The following DOCK9 variants were observed in gnomAD, a reference collection of about 807,000 sequenced individuals.
DOCK9 encodes dedicator of cytokinesis protein 9.
A neutral mutation model predicts 263.3 loss-of-function variants in DOCK9; 89 were observed. That is an observed-to-expected ratio of 0.34 (90% CI 0.28 to 0.40). The LOEUF (loss-of-function observed/expected upper bound fraction) is 0.40. Among genes scored for constraint, DOCK9 ranks in the 10% least tolerant of loss-of-function variants. The pLI, the probability that DOCK9 is intolerant of heterozygous loss-of-function variation, is 1.00. For synonymous variants in DOCK9, 976 were observed against 973.1 expected, an observed-to-expected ratio of 1.00 and a Z score of -0.06; for missense variants, 2,140 against 2,603.4, an observed-to-expected ratio of 0.82 and a Z score of 3.87.
Position 98,897,549 on chromosome 13 carries a change from T to G in DOCK9, c.1648A>C (p.Arg550=), listed in dbSNP as rs1566897358. 1 of 1,614,014 alleles carries G rather than the reference T, an allele frequency of 6.2e-7. No individual in the cohort carries two copies. Among genetic ancestry groups the G allele is most frequent in the East Asian group, 2.2e-5 (1 of 44,882 alleles). The change falls in exon 15 of 53, where the codon AGG becomes CGG. Residue 550 remains arginine (R), a synonymous_variant. Transcript: ENST00000682017. ...TTGGATAGCTTATTGCTGTCTTGCC[T>G]GTAGATGGCAGAAAATCTGGCATTT... ...DKNARFSAIY[R]QDSNKLSNDD... is the part of the protein sequence containing the mutation.
intron 50 of DOCK9, among the ~76,000 whole-genome samples, chr13:98,799,353 T>G (rs1162056567): frequency 6.6e-6 from 1 of 152,148 alleles, no homozygotes; most frequent in East Asian, 1.9e-4. Flanking sequence ...TATACACACA[T>G]GTACATATAC....
chr13:99,041,441 C>T (rs573381216), intron 1 of DOCK9, among the ~76,000 whole-genome samples: 239 of 150,578 alleles, frequency 1.6e-3, no homozygotes, highest in East Asian at 4.5e-3. Flanking sequence ...TATGATCAGG[C>T]TATGACATTC....
intron 27 of DOCK9, chr13:98,871,649 A>T (rs1465647553): frequency 6.6e-6 from 1 of 152,252 alleles, no homozygotes; most frequent in Admixed American, 6.5e-5. Flanking sequence ...TACCTGATAG[A>T]GGCTTGGAGA....
chr13:98,902,927 C>T (rs2048510158), intron 11 of DOCK9, 45 bp downstream of exon 11: 2 of 1,381,828 alleles, frequency 1.4e-6, no homozygotes, highest in Non-Finnish European at 1.9e-6. Context: ...TCTGAAACCT[C>T]TGCCTATTTT....
chr13:98,866,704 T>TA (rs1381548526), intron 30 of DOCK9, among the ~76,000 whole-genome samples: 1 of 152,176 alleles, frequency 6.6e-6, no homozygotes, highest in Admixed American at 6.5e-5. Context: ...TAAAAGCATG[T>TA]AAAAAAGCCA....
chr13:98,838,547 CT>C (rs1483542008), intron 38 of DOCK9, among the ~76,000 whole-genome samples: 1 of 152,198 alleles, frequency 6.6e-6, no homozygotes, highest in Non-Finnish European at 1.5e-5. Flanking sequence ...GTCATTTAAA[CT>C]TAGCTTAGTC....
At chr13:99,049,640 A>C (rs1478285422) in intron 1 of DOCK9, among the ~76,000 whole-genome samples, 2 of 151,982 alleles carry the variant, frequency 1.3e-5, no homozygotes, top group East Asian at 3.9e-4. Context: ...CCTCCCACCC[A>C]CATAGCTGGG....
chr13:98,890,978 T>C (rs977131458), intron 15 of DOCK9, among the ~76,000 whole-genome samples: 1 of 152,224 alleles, frequency 6.6e-6, no homozygotes, highest in South Asian at 2.1e-4. Context: ...ATTTTTCACA[T>C]GTTCCGCCTT....
chr13:99,059,882 C>T (rs878994895), intron 1 of DOCK9, among the ~76,000 whole-genome samples: 8 of 152,028 alleles, frequency 5.3e-5, no homozygotes, highest in Non-Finnish European at 8.8e-5. Flanking sequence ...CTGGACATCG[C>T]GTATAAATGG....
intron 30 of DOCK9, chr13:98,867,121 A>G (rs1179413369): frequency 2.1e-6 from 1 of 472,764 alleles, no homozygotes; most frequent in East Asian, 6.0e-5. Context: ...TCATAAGAAA[A>G]AAGGAAAAGT....
intron 2 of DOCK9, among the ~76,000 whole-genome samples, chr13:98,936,257 C>T (rs573848948): frequency 6.6e-6 from 1 of 152,056 alleles, no homozygotes; most frequent in Non-Finnish European, 1.5e-5. Flanking sequence ...CTCCTGTACC[C>T]ACATGCCCTT....
At chr13:99,035,317 C>T (rs150081302) in intron 1 of DOCK9, among the ~76,000 whole-genome samples, 1 of 152,320 alleles carries the variant, frequency 6.6e-6, no homozygotes, top group East Asian at 1.9e-4. Context: ...ATACCTCCCT[C>T]ACCCCAACAT....
At chr13:98,868,071 T>C (rs1390707040) in intron 28 of DOCK9, 60 bp from the exon 29 acceptor site, 1 of 1,566,344 alleles carries the variant, frequency 6.4e-7, no homozygotes, top group Non-Finnish European at 8.7e-7. Context: ...AAATTTGGAT[T>C]CAAAGCAGCA....
chr13:98,863,986 C>T (rs1307438855), intron 30 of DOCK9, among the ~76,000 whole-genome samples: 8 of 152,164 alleles, frequency 5.3e-5, no homozygotes, highest in African/African-American at 1.9e-4. Flanking sequence ...AATAAACATA[C>T]ATGGCTCATT....
At position 98,809,348 on chromosome 13, in the gene DOCK9, T is replaced by A; in HGVS notation, c.5367+4A>T. On this transcript the variant is annotated splice_donor_region_variant and intron_variant, in intron 47 of 52. Transcript: ENST00000682017. The stretch of plus-strand genomic sequence containing the variant: ...ACAGTCTGCAGAATGGACAGGAGGC[T>A]CACCTGCCCGAAGAAGGCTACCCGG... The A allele has an allele frequency of 6.2e-7, 1 of 1,611,746 alleles. No homozygotes were observed. Among genetic ancestry groups the A allele is most frequent in the Non-Finnish European group, 8.5e-7 (1 of 1,178,070 alleles).
At chr13:98,860,075 C>G (rs2093816771) in intron 33 of DOCK9, 19 of 708,474 alleles carry the variant, frequency 2.7e-5, no homozygotes, top group Non-Finnish European at 3.6e-5. Context: ...TTCCCCTCCC[C>G]CCACCACCTG....
chr13:98,813,255 T>C lies in DOCK9; in HGVS notation c.5131-2964A>G, dbSNP rs1209100083. On this transcript the variant is annotated intron_variant, in intron 45 of 52. Coordinates refer to ENST00000682017, the MANE Select transcript of DOCK9 (RefSeq NM_001366683.2). ...ACTGGCTAGAACCTCCAGCATGATA[T>C]TGAATAGTCAGTAAAGCAGGTATTA... 5.9e-5 allele frequency among the ~76,000 whole-genome samples: 9 copies of C among 152,248 alleles called. No individual in the cohort carries two copies. The South Asian group carries it at 6.2e-4, about 11-fold the overall frequency.
At chr13:98,875,375 T>G (rs2043664042) in intron 27 of DOCK9, among the ~76,000 whole-genome samples, 1 of 152,276 alleles carries the variant, frequency 6.6e-6, no homozygotes, top group Non-Finnish European at 1.5e-5. Context: ...ATTCAGACTA[T>G]GAGCCACACC....
At chr13:98,833,198 C>T (rs2092835353) in intron 39 of DOCK9, 1 of 98,828 alleles carries the variant, frequency 1.0e-5, no homozygotes, top group African/African-American at 3.8e-5. Flanking sequence ...TGATCTAATT[C>T]TCAACCAAAA....
Sources: allele counts gnomAD v4.1 joint callset (sites outside exome capture counted in the v4.1 genomes callset), GRCh38; gene constraint gnomAD v4.1.1; transcripts MANE v1.5; gene names NCBI Gene and HGNC (gene_info 2026-07-23, HGNC 2026-07-21).